CFAP299: variants seen among roughly 807,000 people sequenced by gnomAD.
CFAP299 encodes cilia- and flagella-associated protein 299.
A neutral mutation model predicts 27.0 loss-of-function variants in CFAP299; 21 were observed. The ratio of observed to expected loss-of-function variants is 0.78; its 90% CI spans 0.55 to 1.12. CFAP299 has a LOEUF of 1.12. Ranked by LOEUF, CFAP299 falls within the 50% of genes most tolerant of loss-of-function variation. CFAP299 has a pLI of 0.00. For synonymous variants in CFAP299, 104 were observed against 98.1 expected, an observed-to-expected ratio of 1.06 and a Z score of -0.36; for missense variants, 310 against 276.6, an observed-to-expected ratio of 1.12 and a Z score of -0.86.
chr4:80,651,290 ACTCT>A (rs33983931), intron 3 of CFAP299, among the ~76,000 whole-genome samples: 85,637 of 138,140 alleles, frequency 0.62, 28,830 homozygotes, highest in Non-Finnish European at 0.76. Flanking sequence ...TCTCTCTCTT[ACTCT>A]CTCTCTCTTT....
chr4:80,945,880 G>A (rs1195951582), intron 5 of CFAP299, among the ~76,000 whole-genome samples: 4 of 151,932 alleles, frequency 2.6e-5, no homozygotes, highest in African/African-American at 4.8e-5. Context: ...TAGGCCAGGC[G>A]CGGTGGCTCA....
chr4:80,571,927 C>A (rs1322184645), intron 2 of CFAP299, among the ~76,000 whole-genome samples: 1 of 152,108 alleles, frequency 6.6e-6, no homozygotes, highest in East Asian at 1.9e-4. Flanking sequence ...GCCACGGCAG[C>A]CCAAACTGCC....
intron 2 of CFAP299, among the ~76,000 whole-genome samples, chr4:80,399,502 T>A (rs1466239988): frequency 6.6e-6 from 1 of 152,120 alleles, no homozygotes; most frequent in African/African-American, 2.4e-5. Context: ...CATGGAATAC[T>A]ATACGGCCAT....
chr4:80,664,878 C>G (rs1206753325), intron 3 of CFAP299, among the ~76,000 whole-genome samples: 1 of 152,176 alleles, frequency 6.6e-6, no homozygotes, highest in Non-Finnish European at 1.5e-5. Context: ...AAGGGAATCT[C>G]TGTTCTGTGG....
At chr4:80,650,319 T>C (rs1356220005) in intron 3 of CFAP299, among the ~76,000 whole-genome samples, 1 of 151,992 alleles carries the variant, frequency 6.6e-6, no homozygotes, top group East Asian at 1.9e-4. Context: ...GGATATAACA[T>C]TTATATGTAC....
At chr4:80,841,886 T>G (rs1003473349) in intron 3 of CFAP299, among the ~76,000 whole-genome samples, 8 of 152,182 alleles carry the variant, frequency 5.3e-5, no homozygotes, top group African/African-American at 1.9e-4. Context: ...TTTTGTTTAC[T>G]AGTATAAAAA....
chr4:80,915,272 TA>T (rs1374136724), intron 4 of CFAP299, among the ~76,000 whole-genome samples: 1 of 152,088 alleles, frequency 6.6e-6, no homozygotes, highest in Non-Finnish European at 1.5e-5. Context: ...ACTCCAGTTT[TA>T]CAGGGTTTTT....
intron 2 of CFAP299, among the ~76,000 whole-genome samples, chr4:80,389,959 C>A (rs1578387847): frequency 6.6e-6 from 1 of 151,992 alleles, no homozygotes; most frequent in South Asian, 2.1e-4. Context: ...TAATTGACAA[C>A]CAGAGTGATT....
intron 2 of CFAP299, among the ~76,000 whole-genome samples, chr4:80,471,276 C>A (rs1240492290): frequency 6.6e-6 from 1 of 151,844 alleles, no homozygotes; most frequent in African/African-American, 2.4e-5. Flanking sequence ...GAAATTAACT[C>A]CCCTCAAACA....
At chr4:80,715,901 T>G (rs2110040863) in intron 3 of CFAP299, among the ~76,000 whole-genome samples, 1 of 152,210 alleles carries the variant, frequency 6.6e-6, no homozygotes. Context: ...ATTGTTTTCA[T>G]CAAACCTTCT....
intron 4 of CFAP299, among the ~76,000 whole-genome samples, chr4:80,905,424 G>T (rs1431631397): frequency 6.6e-6 from 1 of 152,048 alleles, no homozygotes; most frequent in East Asian, 1.9e-4. Context: ...GATTTCCATT[G>T]TGCCTTCTAA....
At chr4:80,503,268 C>T (rs1731828354) in intron 2 of CFAP299, among the ~76,000 whole-genome samples, 1 of 151,986 alleles carries the variant, frequency 6.6e-6, no homozygotes, top group African/African-American at 2.4e-5. Context: ...GTGTTTGGCA[C>T]CTATTTTGGT....
intron 3 of CFAP299, among the ~76,000 whole-genome samples, chr4:80,826,556 A>G (rs1020694244): frequency 9.9e-5 from 15 of 151,968 alleles, no homozygotes; most frequent in Middle Eastern, 3.4e-3. Flanking sequence ...AGAACATCAA[A>G]AATGTATGAA....
upstream of CFAP299, among the ~76,000 whole-genome samples, chr4:80,332,474 A>G (rs1721976469): frequency 6.6e-6 from 1 of 151,998 alleles, no homozygotes; most frequent in Non-Finnish European, 1.5e-5. Flanking sequence ...AGGAGATTGA[A>G]CCTGTGTAGT....
chr4:80,384,781 T>G (rs1380601584), intron 2 of CFAP299, among the ~76,000 whole-genome samples: 2 of 152,104 alleles, frequency 1.3e-5, no homozygotes, highest in African/African-American at 2.4e-5. Flanking sequence ...CCTTTCTAAT[T>G]TAAGCACCTC....
chr4:80,368,441 T>C (rs957084190), intron 2 of CFAP299, among the ~76,000 whole-genome samples: 30 of 152,196 alleles, frequency 2.0e-4, no homozygotes, highest in African/African-American at 6.8e-4. Context: ...TTAAATTCTT[T>C]TTTCTGCTAT....
chr4:80,387,185 C>T lies in CFAP299; in HGVS notation c.242+24301C>T. ...CTTGGGGCTGTGCTGTGGAAGGAGG[C>T]TGTGGGAGTACTGGTGCACGCTCAG... On this transcript the variant is annotated intron_variant, in intron 2 of 5. Transcript: ENST00000358105. The T allele has an allele frequency of 3.7e-6, 5 of 1,351,346 alleles. No homozygotes were observed. The Admixed American group carries it at 8.4e-5, about 23-fold the overall frequency. 83.7% of individuals were successfully genotyped at this position (1,351,346 alleles called of 1,614,324 possible).
intron 3 of CFAP299, among the ~76,000 whole-genome samples, chr4:80,777,744 T>A (rs1418401710): frequency 6.6e-6 from 1 of 152,084 alleles, no homozygotes; most frequent in East Asian, 1.9e-4. Flanking sequence ...GACAATCCTA[T>A]TTTGGATATT....
chr4:80,763,725 C>G (rs542635685), intron 3 of CFAP299, among the ~76,000 whole-genome samples: 1 of 152,106 alleles, frequency 6.6e-6, no homozygotes, highest in Non-Finnish European at 1.5e-5. Flanking sequence ...GCTGTAGTAA[C>G]CAAAACAGCA....
Sources: allele counts gnomAD v4.1 joint callset (sites outside exome capture counted in the v4.1 genomes callset), GRCh38; gene constraint gnomAD v4.1.1; transcripts MANE v1.5; gene names NCBI Gene and HGNC (gene_info 2026-07-23, HGNC 2026-07-21).